The following ZNF676 variants were observed in gnomAD, a reference collection of about 807,000 sequenced individuals.
ZNF676 encodes zinc finger protein 676.
A neutral mutation model predicts 6.0 loss-of-function variants in ZNF676; 4 were observed. The observed-to-expected ratio is 0.67, with a 90% confidence interval of 0.33 to 1.53. ZNF676 has a LOEUF of 1.53. Among genes scored for constraint, ZNF676 ranks in the 40% most tolerant of loss-of-function variants. The pLI is 0.06. For synonymous variants in ZNF676, 198 were observed against 223.1 expected (o/e 0.89, Z 1.00); for missense variants, 644 against 679.7 (o/e 0.95, Z 0.58).
the ZNF676 span, among the ~76,000 whole-genome samples, chr19:22,241,102 C>A: frequency 6.6e-5 from 10 of 151,930 alleles, no homozygotes; most frequent in Non-Finnish European, 1.5e-4. Context: ...GAATAGGTCA[C>A]ATCAGCTAAG....
the ZNF676 span, among the ~76,000 whole-genome samples, chr19:22,225,464 A>G: frequency 6.6e-6 from 1 of 152,234 alleles, no homozygotes; most frequent in Non-Finnish European, 1.5e-5. Flanking sequence ...TTGGAAATCA[A>G]TTTATAAATA....
chr19:22,202,192 A>G (rs1447366433), intron 1 of ZNF676, among the ~76,000 whole-genome samples: 2 of 152,172 alleles, frequency 1.3e-5, no homozygotes, highest in Admixed American at 6.5e-5. Context: ...TCACGTCTAC[A>G]GGTCTACTCA....
chr19:22,193,276 A>G (rs1055251297), intron 1 of ZNF676, among the ~76,000 whole-genome samples, 165 bp from the exon 2 acceptor site: 1 of 152,188 alleles, frequency 6.6e-6, no homozygotes, highest in Non-Finnish European at 1.5e-5. Context: ...GCAGTTGCTT[A>G]AAGTTCTGTT....
intron 1 of ZNF676, among the ~76,000 whole-genome samples, chr19:22,206,841 G>C (rs2024081550): frequency 6.6e-6 from 1 of 151,980 alleles, no homozygotes; most frequent in Non-Finnish European, 1.5e-5. Flanking sequence ...ATTAAAGACA[G>C]AAATCACAAG....
chr19:22,182,604 C>CAAAAAAAAAGA (rs2023774682), intron 2 of ZNF676, among the ~76,000 whole-genome samples: 1 of 44,744 alleles, frequency 2.2e-5, no homozygotes, highest in Non-Finnish European at 4.3e-5. Flanking sequence ...AAAAAAAAAG[C>CAAAAAAAAAGA]AAACAAAAAA....
At chr19:22,235,856 A>G in the ZNF676 span, among the ~76,000 whole-genome samples, 10 of 151,800 alleles carry the variant, frequency 6.6e-5, no homozygotes, top group African/African-American at 2.2e-4. Context: ...GGCCTTATGG[A>G]CAGGAACAGA....
the ZNF676 span, among the ~76,000 whole-genome samples, chr19:22,220,818 T>G: frequency 6.6e-6 from 1 of 152,174 alleles, no homozygotes; most frequent in East Asian, 1.9e-4. Flanking sequence ...GAGTTTTTAT[T>G]TCTTCCTGAT....
the ZNF676 span, chr19:22,243,780 T>C: frequency 6.6e-6 from 1 of 152,242 alleles, no homozygotes; most frequent in Admixed American, 6.5e-5. Flanking sequence ...CTGCATTTAT[T>C]AATGAGTCAC....
the ZNF676 span, among the ~76,000 whole-genome samples, chr19:22,235,113 C>CAGGAAGGA: frequency 3.4e-3 from 347 of 102,660 alleles, 1 homozygote; most frequent in African/African-American, 0.014. Flanking sequence ...GTCAGGAAGG[C>CAGGAAGGA]AGGAAGGCAG....
upstream of ZNF676, among the ~76,000 whole-genome samples, chr19:22,217,153 C>T (rs1470368886): frequency 3.9e-5 from 6 of 152,044 alleles, no homozygotes; most frequent in Non-Finnish European, 8.8e-5. Context: ...CACCCCCTCT[C>T]CTACCCTTCC....
At chr19:22,232,633 A>T in the ZNF676 span, among the ~76,000 whole-genome samples, 2 of 152,158 alleles carry the variant, frequency 1.3e-5, no homozygotes, top group African/African-American at 4.8e-5. Context: ...CCAACAGCTC[A>T]TAAAACATTC....
chr19:22,198,508 TAGGTGAAAAAGAAA>T (rs1264183559), upstream of ZNF676, among the ~76,000 whole-genome samples: 1 of 152,180 alleles, frequency 6.6e-6, no homozygotes, highest in Non-Finnish European at 1.5e-5. Context: ...CAGACATGTT[TAGGTGAAAAAGAAA>T]AGGCCATTTT....
chr19:22,227,178 A>G, the ZNF676 span, among the ~76,000 whole-genome samples: 1 of 152,212 alleles, frequency 6.6e-6, no homozygotes, highest in East Asian at 1.9e-4. Context: ...ACCACAGTGC[A>G]ATCAAATTAA....
At chr19:22,242,298 C>T in the ZNF676 span, among the ~76,000 whole-genome samples, 3 of 151,880 alleles carry the variant, frequency 2.0e-5, no homozygotes, top group African/African-American at 7.3e-5. Flanking sequence ...GAAACATCAC[C>T]TTAGTGCTAG....
At chr19:22,182,413 C>G (rs573869676) in intron 2 of ZNF676, among the ~76,000 whole-genome samples, 5 of 151,132 alleles carry the variant, frequency 3.3e-5, no homozygotes, top group African/African-American at 1.2e-4. Context: ...AGAAAGAAAC[C>G]ATTGAAAATG....
At chr19:22,222,302 C>T in the ZNF676 span, among the ~76,000 whole-genome samples, 4 of 152,132 alleles carry the variant, frequency 2.6e-5, no homozygotes, top group African/African-American at 9.7e-5. Flanking sequence ...AACAAGGTTT[C>T]ACCATATTGG....
the ZNF676 span, among the ~76,000 whole-genome samples, chr19:22,251,861 C>A: frequency 6.6e-6 from 1 of 151,574 alleles, no homozygotes; most frequent in South Asian, 2.1e-4. Flanking sequence ...AAACCCATAT[C>A]AGCTTCTTCC....
intron 1 of ZNF676, 41 bp from the exon 2 acceptor site, chr19:22,193,152 T>G: frequency 6.5e-7 from 1 of 1,542,188 alleles, no homozygotes; most frequent in Non-Finnish European, 8.7e-7. Flanking sequence ...TTGCTCATAT[T>G]CTCCAATTAC....
At chr19:22,256,820 T>A in the ZNF676 span, among the ~76,000 whole-genome samples, 1 of 152,068 alleles carries the variant, frequency 6.6e-6, no homozygotes, top group African/African-American at 2.4e-5. Flanking sequence ...AAAAAATATA[T>A]CTTAATACCC....
Sources: gnomAD v4.1 joint callset for allele counts (sites outside exome capture counted in the v4.1 genomes callset) on GRCh38, gnomAD v4.1.1 for gene constraint, MANE v1.5 for transcripts, NCBI Gene and HGNC (gene_info 2026-07-23, HGNC 2026-07-21) for gene names.